PLAC1: variants seen among roughly 807,000 people sequenced by gnomAD.
PLAC1 encodes the protein placenta associated 1, also known as placenta-specific protein 1.
For missense variants in PLAC1, 136 were observed against 163.2 expected (o/e 0.83, Z 0.91); for synonymous variants, 68 against 62.1 (o/e 1.09, Z -0.44).
chrX:134,566,626 G>A lies in PLAC1; in HGVS notation c.57C>T (p.Ala19=), dbSNP rs754534391. ...LMILLTSAFS[A]GSGQSPMTVL... The stretch of plus-strand genomic sequence containing the variant: ...CAGTCATTGGACTTTGTCCTGAACC[G>A]GCTGAAAACGCAGAGGTGAGGAGGA... Residue 19 remains alanine, a synonymous_variant, in exon 3 of 3, where the codon GCC becomes GCT. Transcript: ENST00000359237. The A allele has an allele frequency of 2.2e-5, 26 of 1,205,988 alleles. No individual in the cohort carries two copies. The highest frequency in any genetic ancestry group is 8.7e-5 in the Admixed American group (4 of 45,769).
chrX:134,735,678 G>A (rs763327984), intron 1 of PLAC1, among the ~76,000 whole-genome samples: 4 of 109,525 alleles, frequency 3.7e-5, no homozygotes, highest in South Asian at 3.9e-4. Flanking sequence ...GAGAGAGAGA[G>A]AAAACACCCT....
At chrX:134,750,164 T>C (rs2078737645) in intron 1 of PLAC1, among the ~76,000 whole-genome samples, 1 of 111,978 alleles carries the variant, frequency 8.9e-6, no homozygotes. Context: ...CTAAATTGCA[T>C]AATATCCTTT....
At chrX:134,707,230 T>A (rs1021953559) in intron 2 of PLAC1, among the ~76,000 whole-genome samples, 11 of 112,364 alleles carry the variant, frequency 9.8e-5, no homozygotes, top group African/African-American at 3.6e-4. Flanking sequence ...CCAACAAAAA[T>A]ATCCTTCTTA....
chrX:134,757,183 T>G (rs933509294), intron 1 of PLAC1, among the ~76,000 whole-genome samples: 2 of 112,818 alleles, frequency 1.8e-5, no homozygotes, highest in East Asian at 5.6e-4. Flanking sequence ...TACATGGTCA[T>G]ACTTTAAAGA....
At chrX:134,702,243 G>A (rs1467058625) in intron 2 of PLAC1, among the ~76,000 whole-genome samples, 1 of 111,756 alleles carries the variant, frequency 8.9e-6, no homozygotes, top group African/African-American at 3.3e-5. Context: ...TCCCATTAAT[G>A]AGTACATATC....
chrX:134,601,478 A>G (rs1279094423), intron 2 of PLAC1: 7 of 112,044 alleles, frequency 6.2e-5, no homozygotes. Context: ...AGTGTTTGAG[A>G]ATGCCTGACT....
intron 2 of PLAC1, among the ~76,000 whole-genome samples, chrX:134,673,566 A>T (rs1418905788): frequency 9.1e-6 from 1 of 110,352 alleles, no homozygotes; most frequent in East Asian, 2.8e-4. Flanking sequence ...AAATGATTCC[A>T]AATGAAAAGT....
chrX:134,650,583 C>T (rs2078357468), intron 1 of PLAC1, among the ~76,000 whole-genome samples: 1 of 111,909 alleles, frequency 8.9e-6, no homozygotes, highest in South Asian at 3.8e-4. Flanking sequence ...CCAGGTCTGT[C>T]GTGTCCACAG....
chrX:134,638,438 T>C (rs1449107005), intron 1 of PLAC1, among the ~76,000 whole-genome samples: 3 of 112,725 alleles, frequency 2.7e-5, no homozygotes, highest in Non-Finnish European at 5.6e-5. Flanking sequence ...ATCTTATAAA[T>C]AGTTCCATGA....
At chrX:134,729,145 A>G (rs946975034) in intron 2 of PLAC1, among the ~76,000 whole-genome samples, 1 of 112,134 alleles carries the variant, frequency 8.9e-6, no homozygotes. Context: ...CCCCAGCACA[A>G]TGCTAGGCAC....
intron 1 of PLAC1, among the ~76,000 whole-genome samples, chrX:134,735,690 T>C (rs1374299902): frequency 9.1e-6 from 1 of 109,643 alleles, no homozygotes; most frequent in Admixed American, 9.7e-5. Flanking sequence ...AAACACCCTT[T>C]GGTCTTACTC....
intron 1 of PLAC1, among the ~76,000 whole-genome samples, chrX:134,651,731 C>T (rs1165353646): frequency 2.0e-5 from 2 of 99,515 alleles, no homozygotes; most frequent in African/African-American, 3.7e-5. Flanking sequence ...CACCTTTTTC[C>T]CCCCTTTCTT....
intron 2 of PLAC1, among the ~76,000 whole-genome samples, chrX:134,585,790 C>T (rs2077997287): frequency 9.0e-6 from 1 of 110,700 alleles, no homozygotes; most frequent in South Asian, 4.0e-4. Flanking sequence ...GTTGAGCTGC[C>T]CCTGGGTTGA....
upstream of PLAC1, among the ~76,000 whole-genome samples, chrX:134,660,864 C>T (rs1384288640): frequency 6.2e-5 from 7 of 112,139 alleles, no homozygotes; most frequent in African/African-American, 2.3e-4. Context: ...AGGAGTCAGC[C>T]TCTTAGCTCT....
chrX:134,760,875 T>C (rs775301447), intron 1 of PLAC1, among the ~76,000 whole-genome samples: 9 of 110,664 alleles, frequency 8.1e-5, no homozygotes, highest in Non-Finnish European at 1.5e-4. Context: ...TCTGTTCTTG[T>C]GGAGTCCTCA....
chrX:134,567,869 T>C (rs2077886115), intron 2 of PLAC1, among the ~76,000 whole-genome samples: 1 of 110,344 alleles, frequency 9.1e-6, no homozygotes, highest in South Asian at 3.9e-4. Context: ...ACTTTACACA[T>C]TGATTGACAA....
At chrX:134,655,765 A>T (rs2147802113) in intron 1 of PLAC1, among the ~76,000 whole-genome samples, 1 of 112,501 alleles carries the variant, frequency 8.9e-6, no homozygotes, top group African/African-American at 3.2e-5. Flanking sequence ...TTAAAAAAAT[A>T]AAAAGATTTA....
chrX:134,586,569 G>C (rs780140741), intron 2 of PLAC1, among the ~76,000 whole-genome samples: 15 of 110,898 alleles, frequency 1.4e-4, no homozygotes, highest in Non-Finnish European at 2.6e-4. Context: ...GCAGAGGGCA[G>C]CTAGGCCCCT....
intron 1 of PLAC1, among the ~76,000 whole-genome samples, chrX:134,633,880 G>A (rs1474613113): frequency 9.0e-6 from 1 of 111,536 alleles, no homozygotes; most frequent in Non-Finnish European, 1.9e-5. Context: ...AGCAAGAAGG[G>A]CCAAAGGGGC....
Sources: gnomAD v4.1 joint callset for allele counts (sites outside exome capture counted in the v4.1 genomes callset) on GRCh38, gnomAD v4.1.1 for gene constraint, MANE v1.5 for transcripts, NCBI Gene and HGNC (gene_info 2026-07-23, HGNC 2026-07-21) for gene names.